CDK14: variants seen among roughly 807,000 people sequenced by gnomAD.
CDK14 encodes cyclin dependent kinase 14.
Under a neutral mutation model 60.7 loss-of-function variants are expected in CDK14, and 34 were observed. The observed-to-expected ratio is 0.56, with a 90% confidence interval of 0.43 to 0.75. CDK14 has a LOEUF of 0.75. CDK14 is among the 30% of genes least tolerant of loss of function. CDK14 has a pLI of 0.00. For synonymous variants in CDK14, 197 were observed against 203.7 expected (o/e 0.97, Z 0.28); for missense variants, 482 against 564.1 (o/e 0.85, Z 1.47).
intron 12 of CDK14, among the ~76,000 whole-genome samples, chr7:91,092,342 A>G (rs1415062392): frequency 1.3e-5 from 2 of 152,164 alleles, no homozygotes; most frequent in African/African-American, 4.8e-5. Flanking sequence ...CACATGAGAG[A>G]GGAATGTAGG....
At chr7:90,902,109 A>C (rs1327360214) in intron 7 of CDK14, among the ~76,000 whole-genome samples, 1 of 152,136 alleles carries the variant, frequency 6.6e-6, no homozygotes, top group Non-Finnish European at 1.5e-5. Flanking sequence ...GAAGAGATAC[A>C]AATGGAAAAA....
At chr7:91,174,351 TG>T (rs1225754352) in intron 14 of CDK14, among the ~76,000 whole-genome samples, 4 of 150,144 alleles carry the variant, frequency 2.7e-5, no homozygotes, top group African/African-American at 9.8e-5. Context: ...ACCACAAAGA[TG>T]GGGAAAAAAC....
chr7:91,007,789 G>GA (rs143025433), intron 10 of CDK14, among the ~76,000 whole-genome samples: 16 of 144,872 alleles, frequency 1.1e-4, no homozygotes, highest in Admixed American at 1.4e-4. Context: ...CAGGAGGGAG[G>GA]AAAAAAAAAA....
rs574436479 is a variant in CDK14, at chr7:90,655,406, T to A, written c.123+51157T>A. Among the ~76,000 whole-genome samples, 1,047 of 148,810 alleles carry A rather than the reference T, an allele frequency of 7.0e-3. 21 individuals are homozygous for A. Among genetic ancestry groups the A allele is most frequent in the African/African-American group, 0.025 (1,003 of 40,634 alleles). ...TGAAGTTCGAGATGGTCTATCGGTTTAAAAAAAAAACAGCCTGGAAAAATG... is the reference window on the plus strand; with the variant it reads ...TGAAGTTCGAGATGGTCTATCGGTTAAAAAAAAAAACAGCCTGGAAAAATG... On this transcript the variant is annotated intron_variant, in intron 2 of 14. Coordinates refer to ENST00000380050, the MANE Select transcript of CDK14 (RefSeq NM_001287135.2).
At chr7:90,708,964 G>A (rs542693791) in intron 2 of CDK14, among the ~76,000 whole-genome samples, 82 of 152,180 alleles carry the variant, frequency 5.4e-4, no homozygotes, top group African/African-American at 2.0e-3. Flanking sequence ...TAGCAGTCTG[G>A]CATCCTTCCT....
chr7:90,907,286 A>G lies in CDK14; in HGVS notation c.702+7933A>G, dbSNP rs147663854. 2.6e-5 allele frequency among the ~76,000 whole-genome samples: 4 copies of G among 152,180 alleles called. No homozygotes were observed. In the East Asian group the frequency reaches 7.7e-4, roughly 29 times the overall value. ...TGGGTTTGAGCTATCATAGTTGAAT[A>G]TAGAACTTGTATTAATTCTTGATTT... On this transcript the variant is annotated intron_variant, in intron 7 of 14. Coordinates refer to ENST00000380050, the MANE Select transcript of CDK14 (RefSeq NM_001287135.2).
intron 10 of CDK14, among the ~76,000 whole-genome samples, chr7:90,998,837 G>A (rs918516265): frequency 5.9e-5 from 9 of 151,986 alleles, no homozygotes; most frequent in South Asian, 4.1e-4. Flanking sequence ...TGCAGTGAGC[G>A]GAGATCGCGC....
chr7:90,654,344 G>A (rs1350906187), intron 2 of CDK14, among the ~76,000 whole-genome samples: 1 of 152,158 alleles, frequency 6.6e-6, no homozygotes, highest in Non-Finnish European at 1.5e-5. Flanking sequence ...GAAATTAGCT[G>A]ATTACTCAGT....
At chr7:90,805,983 T>A (rs1250386411) in intron 5 of CDK14, among the ~76,000 whole-genome samples, 1 of 152,188 alleles carries the variant, frequency 6.6e-6, no homozygotes, top group African/African-American at 2.4e-5. Flanking sequence ...AGTTCAAAAA[T>A]GAACCCTGAC....
At chr7:90,962,608 G>T (rs746121551) in intron 9 of CDK14, among the ~76,000 whole-genome samples, 2 of 152,086 alleles carry the variant, frequency 1.3e-5, no homozygotes, top group Non-Finnish European at 2.9e-5. Flanking sequence ...GTCATTTATT[G>T]GCAATAAATT....
chr7:90,682,840 T>C (rs957221669), intron 2 of CDK14, among the ~76,000 whole-genome samples: 2 of 152,166 alleles, frequency 1.3e-5, no homozygotes, highest in African/African-American at 4.8e-5. Context: ...ATGTCCCTCA[T>C]GTTATGTTTA....
intron 9 of CDK14, among the ~76,000 whole-genome samples, chr7:90,957,522 A>G (rs964616548): frequency 2.5e-4 from 38 of 152,060 alleles, no homozygotes; most frequent in African/African-American, 8.9e-4. Context: ...TACAAAATCA[A>G]TGTACAAAAA....
intron 14 of CDK14, among the ~76,000 whole-genome samples, chr7:91,187,309 G>A (rs1802220688): frequency 2.0e-5 from 3 of 152,042 alleles, no homozygotes; most frequent in South Asian, 4.1e-4. Context: ...TTTTAGTGAG[G>A]GCATATATCA....
At chr7:90,714,465 A>T (rs1802173470) in intron 2 of CDK14, among the ~76,000 whole-genome samples, 1 of 152,086 alleles carries the variant, frequency 6.6e-6, no homozygotes, top group Non-Finnish European at 1.5e-5. Context: ...ACTGGTCTTC[A>T]TGAAATCAGT....
intron 11 of CDK14, among the ~76,000 whole-genome samples, chr7:91,064,266 T>A (rs2116142103): frequency 6.6e-6 from 1 of 152,254 alleles, no homozygotes; most frequent in African/African-American, 2.4e-5. Context: ...CTTTGTGCAT[T>A]ATCAGGGTAG....
chr7:91,108,481 A>G (rs1379661507), intron 12 of CDK14, among the ~76,000 whole-genome samples: 1 of 152,224 alleles, frequency 6.6e-6, no homozygotes, highest in Non-Finnish European at 1.5e-5. Context: ...CAAAATACCC[A>G]GCATAATACT....
chr7:90,751,423 C>T (rs941758013), intron 4 of CDK14, among the ~76,000 whole-genome samples: 6 of 151,994 alleles, frequency 3.9e-5, no homozygotes, highest in African/African-American at 1.4e-4. Flanking sequence ...CCAAGATAAG[C>T]CTCATACGCA....
At chr7:90,850,791 A>G (rs563773800) in intron 5 of CDK14, among the ~76,000 whole-genome samples, 2 of 152,258 alleles carry the variant, frequency 1.3e-5, no homozygotes, top group Non-Finnish European at 2.9e-5. Context: ...GAGAGGTTTT[A>G]AGAAGAGAAG....
intron 2 of CDK14, among the ~76,000 whole-genome samples, chr7:90,656,480 AG>A (rs1199610389): frequency 7.9e-5 from 12 of 151,856 alleles, no homozygotes; most frequent in African/African-American, 2.9e-4. Context: ...CACAGGTTCA[AG>A]CGATTCTTCT....
Sources: allele counts gnomAD v4.1 joint callset (sites outside exome capture counted in the v4.1 genomes callset), GRCh38; gene constraint gnomAD v4.1.1; transcripts MANE v1.5; gene names NCBI Gene and HGNC (gene_info 2026-07-23, HGNC 2026-07-21).